FAM163A: variants seen among roughly 807,000 people sequenced by gnomAD.
The protein encoded by FAM163A is protein FAM163A.
FAM163A carries 7 observed loss-of-function variants against 12.0 expected under a neutral mutation model. The observed-to-expected ratio is 0.58, with a 90% CI of 0.33 to 1.10. FAM163A has a LOEUF of 1.10. Ranked by LOEUF, FAM163A falls within the 50% of genes least tolerant of loss-of-function variation. The pLI, the probability that FAM163A is intolerant of heterozygous loss-of-function variation, is 0.03. For missense variants in FAM163A, 202 were observed against 218.6 expected (o/e 0.92, Z 0.48); for synonymous variants, 101 against 91.0 (o/e 1.11, Z -0.62).
intron 1 of FAM163A, among the ~76,000 whole-genome samples, chr1:179,757,749 T>C (rs1479120813): frequency 3.9e-5 from 6 of 152,028 alleles, no homozygotes; most frequent in Non-Finnish European, 8.8e-5. Context: ...GAGGTGGAGG[T>C]TGCAGTGAGC....
chr1:179,737,187 A>T, the FAM163A span, among the ~76,000 whole-genome samples: 1 of 152,206 alleles, frequency 6.6e-6, no homozygotes, highest in African/African-American at 2.4e-5. Flanking sequence ...AAAAGAAGGA[A>T]ATCCTGCTAT....
the FAM163A span, among the ~76,000 whole-genome samples, chr1:179,728,945 G>GTT: frequency 6.6e-6 from 1 of 152,274 alleles, no homozygotes; most frequent in South Asian, 2.1e-4. Context: ...TAAAGCGTCA[G>GTT]TTAACCCCAG....
chr1:179,765,850 G>C (rs931512126), intron 1 of FAM163A, among the ~76,000 whole-genome samples: 1 of 152,124 alleles, frequency 6.6e-6, no homozygotes. Context: ...ACTACAGGAG[G>C]TTCAGAATGG....
At chr1:179,747,296 C>T (rs750969834) in intron 1 of FAM163A, among the ~76,000 whole-genome samples, 1 of 152,194 alleles carries the variant, frequency 6.6e-6, no homozygotes, top group Non-Finnish European at 1.5e-5. Flanking sequence ...TTGAGCATTT[C>T]TTATCAGCAC....
chr1:179,748,174 T>C (rs1158143055), intron 1 of FAM163A, among the ~76,000 whole-genome samples: 1 of 152,170 alleles, frequency 6.6e-6, no homozygotes, highest in Non-Finnish European at 1.5e-5. Context: ...GCCTCTCTCA[T>C]TGCAAACCTC....
intron 4 of FAM163A, among the ~76,000 whole-genome samples, 192 bp downstream of exon 4, chr1:179,813,382 C>T (rs1694967836): frequency 6.6e-6 from 1 of 152,196 alleles, no homozygotes; most frequent in Admixed American, 6.5e-5. Context: ...AGCCTGCCCA[C>T]TCAGAGCACA....
intron 1 of FAM163A, among the ~76,000 whole-genome samples, chr1:179,754,934 T>G (rs61828375): frequency 6.6e-6 from 1 of 152,090 alleles, no homozygotes; most frequent in Non-Finnish European, 1.5e-5. Context: ...CCCAGGAGTT[T>G]GAGACCAGCC....
At chr1:179,808,005 G>A (rs960460151) in intron 2 of FAM163A, 117 bp downstream of exon 2, 5 of 152,344 alleles carry the variant, frequency 3.3e-5, no homozygotes, top group African/African-American at 9.6e-5. Flanking sequence ...GGATTCTTTA[G>A]TGGACAGCAG....
chr1:179,814,677 G>T lies in FAM163A; in HGVS notation c.*488G>T. The T allele has an allele frequency of 6.3e-6, 1 of 158,244 alleles. No individual in the cohort carries two copies. The highest frequency in any genetic ancestry group is 1.4e-5 in the Non-Finnish European group (1 of 71,652). The allele number at this position is 158,244 out of a possible 1,614,324, so 9.8% of individuals were successfully genotyped here. A position where few individuals can be genotyped will look rare whatever the true frequency, so the allele number is the denominator to read the frequency against. ...AGAAGCGAGGGGCGGGGCGTCAACG[G>T]CACTGCTTCAGGACGCGCTTGCTGA... On this transcript the variant is annotated 3_prime_UTR_variant, in exon 5 of 5. Transcript: ENST00000341785.
chr1:179,780,986 A>T (rs1689641465), intron 1 of FAM163A, among the ~76,000 whole-genome samples: 1 of 152,224 alleles, frequency 6.6e-6, no homozygotes, highest in Non-Finnish European at 1.5e-5. Context: ...TTGAGATCTC[A>T]GAAGTAAAAG....
intron 1 of FAM163A, among the ~76,000 whole-genome samples, chr1:179,796,783 G>T (rs1235834774): frequency 6.6e-6 from 1 of 152,246 alleles, no homozygotes. Context: ...AGAAGGGAAA[G>T]GCTGTAGACA....
At chr1:179,793,025 A>AT (rs1691745744) in intron 1 of FAM163A, among the ~76,000 whole-genome samples, 1 of 151,782 alleles carries the variant, frequency 6.6e-6, no homozygotes. Context: ...GAAAAAAAAA[A>AT]GGCATGGAAT....
chr1:179,791,004 G>A (rs778954607), intron 1 of FAM163A, among the ~76,000 whole-genome samples: 2 of 152,146 alleles, frequency 1.3e-5, no homozygotes, highest in Non-Finnish European at 2.9e-5. Flanking sequence ...CATTTCTCCA[G>A]CAATAGTCCC....
chr1:179,732,317 G>A, the FAM163A span, among the ~76,000 whole-genome samples: 1 of 152,186 alleles, frequency 6.6e-6, no homozygotes, highest in Non-Finnish European at 1.5e-5. Flanking sequence ...AACAGAAATT[G>A]GATGTGAACT....
chr1:179,798,496 C>T (rs986577136), intron 1 of FAM163A, among the ~76,000 whole-genome samples: 4 of 152,256 alleles, frequency 2.6e-5, no homozygotes, highest in Non-Finnish European at 4.4e-5. Flanking sequence ...GGCCTACTGC[C>T]GCTTTCACCT....
chr1:179,803,457 C>A (rs1571562131), intron 1 of FAM163A, among the ~76,000 whole-genome samples: 1 of 152,210 alleles, frequency 6.6e-6, no homozygotes, highest in Admixed American at 6.5e-5. Flanking sequence ...AGCAGAGACC[C>A]CTGGTATCGT....
At chr1:179,796,433 G>A (rs1692332636) in intron 1 of FAM163A, among the ~76,000 whole-genome samples, 1 of 152,082 alleles carries the variant, frequency 6.6e-6, no homozygotes, top group African/African-American at 2.4e-5. Context: ...TTGAAGATTT[G>A]GGGAAAATTC....
chr1:179,758,701 G>A (rs1392142584), intron 1 of FAM163A, among the ~76,000 whole-genome samples: 1 of 152,168 alleles, frequency 6.6e-6, no homozygotes, highest in Non-Finnish European at 1.5e-5. Flanking sequence ...GCACTGGTAG[G>A]GCCATGCAGA....
intron 1 of FAM163A, among the ~76,000 whole-genome samples, chr1:179,766,113 C>T (rs1687460461): frequency 6.6e-6 from 1 of 152,200 alleles, no homozygotes; most frequent in African/African-American, 2.4e-5. Flanking sequence ...TTTTCTCTGA[C>T]TTTCCCCTAC....
Sources: allele counts gnomAD v4.1 joint callset (sites outside exome capture counted in the v4.1 genomes callset), GRCh38; gene constraint gnomAD v4.1.1; transcripts MANE v1.5; gene names NCBI Gene and HGNC (gene_info 2026-07-23, HGNC 2026-07-21).